Variants in GATAD2B observed in about 807,000 individuals in gnomAD.
GATAD2B encodes the protein transcriptional repressor p66-beta.
In GATAD2B, 8 loss-of-function variants were observed where a neutral mutation model predicts 64.3. The ratio of observed to expected loss-of-function variants is 0.12; its 90% CI spans 0.07 to 0.22. GATAD2B has a LOEUF of 0.22. Among genes scored for constraint, GATAD2B ranks in the 10% least tolerant of loss-of-function variants. The pLI, the probability that GATAD2B is intolerant of heterozygous loss-of-function variation, is 1.00. For synonymous variants in GATAD2B, 281 were observed against 271.3 expected (o/e 1.04, Z -0.35); for missense variants, 453 against 752.0 (o/e 0.60, Z 4.65).
rs966775624 is a variant in GATAD2B, at chr1:153,805,510, C to A, written c.*4667G>T. The A allele has an allele frequency of 2.0e-5, 3 of 152,166 alleles. No homozygotes were observed. The highest frequency in any genetic ancestry group is 4.4e-5 in the Non-Finnish European group (3 of 68,034). The allele number at this position is 152,166 out of a possible 1,614,324, so 9.4% of individuals were successfully genotyped here. A position where few individuals can be genotyped will look rare whatever the true frequency, so the allele number is the denominator to read the frequency against. ...GATGTCACTGGTCTGATGCCCTGGA[C>A]ATGACTCTGCTGCCTCTCCCAAATC... On this transcript the variant is annotated 3_prime_UTR_variant, in exon 11 of 11. Coordinates refer to ENST00000368655, the MANE Select transcript of GATAD2B (RefSeq NM_020699.4).
intron 2 of GATAD2B, among the ~76,000 whole-genome samples, chr1:153,827,008 G>A (rs1442513890): frequency 2.0e-5 from 3 of 151,236 alleles, no homozygotes; most frequent in Non-Finnish European, 4.4e-5. Context: ...CACTTTAGGA[G>A]GCTGAGGAGG....
At chr1:153,825,097 A>C (rs1674824335) in intron 2 of GATAD2B, among the ~76,000 whole-genome samples, 1 of 152,218 alleles carries the variant, frequency 6.6e-6, no homozygotes, top group South Asian at 2.1e-4. Context: ...GGAAAGGGAA[A>C]GAGAAGGAAA....
intron 1 of GATAD2B, among the ~76,000 whole-genome samples, chr1:153,878,772 TCC>T (rs1261142341): frequency 8.5e-6 from 1 of 117,996 alleles, no homozygotes; most frequent in South Asian, 2.9e-4. Flanking sequence ...CATACTTTAT[TCC>T]TTTTTTTTTT....
At chr1:153,817,276 T>C in intron 6 of GATAD2B, 96 bp downstream of exon 6, 1 of 1,166,192 alleles carries the variant, frequency 8.6e-7, no homozygotes, top group Non-Finnish European at 1.2e-6. Flanking sequence ...CTAGAGTTTA[T>C]CTATGTATAA....
chr1:153,864,992 C>A (rs1392278775), intron 1 of GATAD2B, among the ~76,000 whole-genome samples: 1 of 152,142 alleles, frequency 6.6e-6, no homozygotes, highest in East Asian at 1.9e-4. Context: ...ATTGCTTGAA[C>A]CTGGGAGGCG....
intron 1 of GATAD2B, among the ~76,000 whole-genome samples, chr1:153,904,896 G>A (rs541400499): frequency 6.6e-5 from 10 of 152,168 alleles, no homozygotes; most frequent in South Asian, 4.2e-4. Flanking sequence ...TAGTAGAGAC[G>A]GGGTTTCATC....
intron 2 of GATAD2B, among the ~76,000 whole-genome samples, chr1:153,827,772 T>A (rs769107752): frequency 2.6e-4 from 39 of 152,282 alleles, no homozygotes; most frequent in Middle Eastern, 3.4e-3. Flanking sequence ...AGTGCCCCCT[T>A]TATCTAGAAA....
intron 1 of GATAD2B, among the ~76,000 whole-genome samples, chr1:153,875,406 A>T (rs1676792515): frequency 1.3e-5 from 2 of 152,128 alleles, no homozygotes; most frequent in South Asian, 4.1e-4. Context: ...CTGAATTTGT[A>T]TTGAGCTGCA....
intron 1 of GATAD2B, among the ~76,000 whole-genome samples, chr1:153,913,213 C>A (rs2101970024): frequency 6.6e-6 from 1 of 152,164 alleles, no homozygotes; most frequent in South Asian, 2.1e-4. Context: ...CAGGTGTGAG[C>A]CACCACACCC....
chr1:153,873,316 T>G (rs1048424269), intron 1 of GATAD2B, among the ~76,000 whole-genome samples: 1 of 152,232 alleles, frequency 6.6e-6, no homozygotes, highest in Non-Finnish European at 1.5e-5. Flanking sequence ...ATCTCTCTTC[T>G]TTGTACTTCG....
chr1:153,884,422 G>A (rs1677102800), intron 1 of GATAD2B, among the ~76,000 whole-genome samples: 1 of 151,754 alleles, frequency 6.6e-6, no homozygotes. Flanking sequence ...CAGCCTGGGC[G>A]ACAGAGCGAG....
chr1:153,847,544 G>C (rs996197039), intron 1 of GATAD2B, among the ~76,000 whole-genome samples: 1 of 151,988 alleles, frequency 6.6e-6, no homozygotes, highest in Non-Finnish European at 1.5e-5. Context: ...CACTGAGCCC[G>C]GCCTAATTTT....
At chr1:153,890,210 C>A (rs535746125) in intron 1 of GATAD2B, among the ~76,000 whole-genome samples, 1 of 150,114 alleles carries the variant, frequency 6.7e-6, no homozygotes, top group African/African-American at 2.5e-5. Context: ...AGATAAGAGG[C>A]CTGGTGTGGT....
intron 1 of GATAD2B, among the ~76,000 whole-genome samples, chr1:153,891,868 G>C (rs1442972199): frequency 6.6e-6 from 1 of 151,828 alleles, no homozygotes; most frequent in African/African-American, 2.4e-5. Flanking sequence ...ATGAAAATTA[G>C]GGACAGAGTT....
At chr1:153,920,359 T>G (rs1157297408) in intron 1 of GATAD2B, among the ~76,000 whole-genome samples, 1 of 152,124 alleles carries the variant, frequency 6.6e-6, no homozygotes, top group Non-Finnish European at 1.5e-5. Flanking sequence ...AACCCCAAAA[T>G]GGGGGACAGC....
intron 1 of GATAD2B, among the ~76,000 whole-genome samples, chr1:153,890,275 T>C (rs1243705892): frequency 6.7e-6 from 1 of 150,102 alleles, no homozygotes; most frequent in Non-Finnish European, 1.5e-5. Flanking sequence ...GATCACAAAG[T>C]CAAGAGATCA....
At chr1:153,844,655 C>T (rs1307759372) in intron 1 of GATAD2B, among the ~76,000 whole-genome samples, 1 of 149,554 alleles carries the variant, frequency 6.7e-6, no homozygotes, top group Non-Finnish European at 1.5e-5. Flanking sequence ...AGTAAACTAT[C>T]GCAAGAACAA....
At chr1:153,814,016 T>A (rs1674376575) in intron 7 of GATAD2B, among the ~76,000 whole-genome samples, 2 of 152,210 alleles carry the variant, frequency 1.3e-5, no homozygotes, top group African/African-American at 4.8e-5. Flanking sequence ...TTCTAACTGA[T>A]AAAGCTGGGA....
intron 1 of GATAD2B, among the ~76,000 whole-genome samples, chr1:153,910,479 C>T (rs1455739500): frequency 6.6e-6 from 1 of 152,116 alleles, no homozygotes; most frequent in Non-Finnish European, 1.5e-5. Flanking sequence ...GTGGCTCATC[C>T]CTATAATCCC....
Sources: gnomAD v4.1 joint callset for allele counts (sites outside exome capture counted in the v4.1 genomes callset) on GRCh38, gnomAD v4.1.1 for gene constraint, MANE v1.5 for transcripts, NCBI Gene and HGNC (gene_info 2026-07-23, HGNC 2026-07-21) for gene names.